ATP10B: variants seen among roughly 807,000 people sequenced by gnomAD.
ATP10B encodes phospholipid-transporting ATPase VB.
A neutral mutation model predicts 141.2 loss-of-function variants in ATP10B; 122 were observed. The ratio of observed to expected loss-of-function variants is 0.86; its 90% CI spans 0.75 to 1.00. The LOEUF is 1.00. Among genes scored for constraint, ATP10B ranks in the 50% least tolerant of loss-of-function variants. The pLI is 0.00. For synonymous variants in ATP10B, 685 were observed against 692.0 expected (o/e 0.99, Z 0.16); for missense variants, 1,876 against 1,825.3 (o/e 1.03, Z -0.51).
the ATP10B span, among the ~76,000 whole-genome samples, chr5:160,907,987 T>C: frequency 1.5e-3 from 226 of 152,250 alleles, no homozygotes; most frequent in Middle Eastern, 3.4e-3. Flanking sequence ...GGCTACAGGT[T>C]GGATGATGGT....
At position 160,693,220 on chromosome 5, in the gene ATP10B, G is replaced by A. The variant is rs145667115; in HGVS notation, c.-204-4277C>T. On this transcript the variant is annotated intron_variant, in intron 3 of 25. Coordinates refer to ENST00000327245, the MANE Select transcript of ATP10B (RefSeq NM_025153.3). ...AGAGGAAGATAAAATAGGTATAAAG[G>A]GCATTATTGGACAATGGGCAAAATC... 1.3e-3 allele frequency among the ~76,000 whole-genome samples: 195 copies of A among 151,832 alleles called. 1 individual carries two copies. Among genetic ancestry groups the A allele is most frequent in the African/African-American group, 4.5e-3 (187 of 41,404 alleles).
intron 7 of ATP10B, among the ~76,000 whole-genome samples, chr5:160,663,614 G>T (rs1411068019): frequency 6.6e-6 from 1 of 152,070 alleles, no homozygotes; most frequent in East Asian, 1.9e-4. Flanking sequence ...ACAGGAAGGG[G>T]AACATCACAC....
chr5:160,631,468 G>A (rs1311741235), intron 13 of ATP10B, among the ~76,000 whole-genome samples: 3 of 152,358 alleles, frequency 2.0e-5, no homozygotes, highest in Middle Eastern at 6.8e-3. Context: ...AAACAGCAAT[G>A]CCCATAAGGG....
intron 4 of ATP10B, 43 bp downstream of exon 4, chr5:160,688,717 C>T (rs975839723): frequency 1.7e-5 from 16 of 963,498 alleles, no homozygotes; most frequent in African/African-American, 1.1e-4. Context: ...TTTTCTTTGG[C>T]GCTAACATTT....
chr5:160,915,804 T>C, the ATP10B span, among the ~76,000 whole-genome samples: 368 of 152,228 alleles, frequency 2.4e-3, no homozygotes, highest in Non-Finnish European at 4.2e-3. Flanking sequence ...CAGACATTCG[T>C]CCCACACACT....
intron 2 of ATP10B, among the ~76,000 whole-genome samples, chr5:160,728,724 T>C (rs67568068): frequency 0.28 from 42,408 of 152,064 alleles, 6,688 homozygotes; most frequent in East Asian, 0.7. Context: ...GACATGCAAT[T>C]GTTGTCAGAC....
At chr5:160,575,125 G>T (rs545340536) in intron 24 of ATP10B, among the ~76,000 whole-genome samples, 1 of 152,024 alleles carries the variant, frequency 6.6e-6, no homozygotes, top group African/African-American at 2.4e-5. Context: ...ATAGGATTTG[G>T]CTTATTCAGG....
At chr5:160,813,197 C>T (rs534402268) in intron 1 of ATP10B, among the ~76,000 whole-genome samples, 11 of 152,328 alleles carry the variant, frequency 7.2e-5, no homozygotes, top group Admixed American at 5.9e-4. Context: ...TCGCCTCACC[C>T]GGGAAGCACA....
At chr5:160,718,453 C>T (rs1187925567) in intron 2 of ATP10B, among the ~76,000 whole-genome samples, 3 of 152,146 alleles carry the variant, frequency 2.0e-5, no homozygotes, top group African/African-American at 4.8e-5. Flanking sequence ...TCTAACAATA[C>T]CATGGTCTCA....
intron 16 of ATP10B, 137 bp from the exon 17 acceptor site, chr5:160,616,101 A>ATTT: frequency 3.6e-6 from 3 of 840,040 alleles, no homozygotes; most frequent in Non-Finnish European, 5.1e-6. Context: ...CTTCTCAAAG[A>ATTT]CTTTTTTTTA....
chr5:160,600,897 C>T (rs141285188), intron 21 of ATP10B, among the ~76,000 whole-genome samples: 22 of 152,186 alleles, frequency 1.4e-4, no homozygotes, highest in East Asian at 5.8e-4. Flanking sequence ...GGAGATAATG[C>T]GGCATTAGTA....
rs1281039567 is a variant in ATP10B, at chr5:160,808,859, G to T, written c.-575-23056C>A. 3.9e-5 allele frequency among the ~76,000 whole-genome samples: 6 copies of T among 152,276 alleles called. No individual in the cohort carries two copies. In the East Asian group the frequency reaches 7.7e-4, roughly 20 times the overall value. ...TACATCTATTGTCTCAGTTCTGGAG[G>T]CTCGAAGTCTGAAATCAAGGTGATG... On this transcript the variant is annotated intron_variant, in intron 1 of 25. Transcript: ENST00000327245.
In ATP10B at chr5:160,817,901, C is replaced by T. The variant is rs565705009; in HGVS notation, c.-575-32098G>A. Among the ~76,000 whole-genome samples the T allele has an allele frequency of 2.6e-4, 39 of 152,202 alleles. No homozygotes were observed. The East Asian group carries it at 4.1e-3, about 16-fold the overall frequency. ...CTGACAAAAACAAGAAATGCAGAAA[C>T]GATTCCCTATTTAATAAATGGTGCT... On this transcript the variant is annotated intron_variant, in intron 1 of 25. Transcript: ENST00000327245.
At chr5:160,789,584 C>A (rs1771419685) in intron 1 of ATP10B, among the ~76,000 whole-genome samples, 1 of 152,138 alleles carries the variant, frequency 6.6e-6, no homozygotes, top group African/African-American at 2.4e-5. Context: ...CTGCTGTTGA[C>A]CGAAATGTCA....
At chr5:160,841,898 T>A (rs1775831161) in intron 1 of ATP10B, among the ~76,000 whole-genome samples, 1 of 152,252 alleles carries the variant, frequency 6.6e-6, no homozygotes, top group African/African-American at 2.4e-5. Flanking sequence ...CTAATTTTTG[T>A]ATTTTTAGTA....
the ATP10B span, among the ~76,000 whole-genome samples, chr5:160,920,173 C>T: frequency 1.5e-4 from 23 of 152,176 alleles, no homozygotes; most frequent in Non-Finnish European, 2.9e-4. Context: ...TACAGTCGAT[C>T]GAGCATCTCT....
chr5:160,876,030 C>T, the ATP10B span, among the ~76,000 whole-genome samples: 1 of 61,656 alleles, frequency 1.6e-5, no homozygotes, highest in African/African-American at 3.7e-5. Context: ...CTGCACCAAG[C>T]CGACCTAATA....
chr5:160,688,710 T>G, intron 4 of ATP10B, 50 bp downstream of exon 4: 3 of 951,900 alleles, frequency 3.2e-6, no homozygotes, highest in Non-Finnish European at 3.8e-6. Context: ...CTTTAGGTTT[T>G]CTTTGGCGCT....
intron 2 of ATP10B, among the ~76,000 whole-genome samples, 200 bp downstream of exon 2, chr5:160,785,359 T>A (rs1398960934): frequency 1.3e-5 from 2 of 152,166 alleles, no homozygotes; most frequent in Non-Finnish European, 2.9e-5. Flanking sequence ...TTACTTGGCA[T>A]CTGACATACC....
Sources: allele counts gnomAD v4.1 joint callset (sites outside exome capture counted in the v4.1 genomes callset), GRCh38; gene constraint gnomAD v4.1.1; transcripts MANE v1.5; gene names NCBI Gene and HGNC (gene_info 2026-07-23, HGNC 2026-07-21).